RP1L1: variants seen among roughly 807,000 people sequenced by gnomAD.
The protein encoded by RP1L1 is RP1 like 1.
Under a neutral mutation model 15.7 loss-of-function variants are expected in RP1L1, and 27 were observed. That is an observed-to-expected ratio of 1.72 (90% CI 1.27 to 2.38). RP1L1 has a LOEUF of 2.38. RP1L1 is among the 30% of genes most tolerant of loss of function. The probability of loss-of-function intolerance (pLI) is 0.00; values close to 1 mark genes in which losing one functional copy is unlikely to be tolerated. For synonymous variants in RP1L1, 1,813 were observed against 1,276.7 expected, an observed-to-expected ratio of 1.42 and a Z score of -8.96; for missense variants, 4,798 against 3,075.9, an observed-to-expected ratio of 1.56 and a Z score of -13.24.
chr8:10,618,446 G>A (rs914159786), intron 2 of RP1L1, among the ~76,000 whole-genome samples: 7 of 152,218 alleles, frequency 4.6e-5, no homozygotes, highest in Non-Finnish European at 7.3e-5. Context: ...AGCGGAGGAT[G>A]CAGTGAGCTA....
At chr8:10,619,191 G>A (rs903629181) in intron 2 of RP1L1, among the ~76,000 whole-genome samples, 2 of 152,220 alleles carry the variant, frequency 1.3e-5, no homozygotes, top group African/African-American at 4.8e-5. Context: ...AGTTTAGAAA[G>A]CTGCCAGCCC....
In RP1L1 at chr8:10,611,806, C is replaced by T. The variant is rs758394001; in HGVS notation, c.2292G>A (p.Gly764=). The T allele has an allele frequency of 2.5e-6, 4 of 1,613,652 alleles. No individual in the cohort carries two copies. In the Admixed American group the frequency reaches 6.7e-5, roughly 27 times the overall value. ...PHNAPSAGWA[G]DAGSRTCSPA... is the part of the protein sequence containing the mutation. Reference sequence around the variant, plus strand: ...GCGAGCATGTCCTGGACCCCGCGTCCCCTGCCCACCCGGCAGAGGGAGCGT... The same window carrying T: ...GCGAGCATGTCCTGGACCCCGCGTCTCCTGCCCACCCGGCAGAGGGAGCGT... Residue 764 remains glycine, a synonymous_variant, in exon 4 of 4, where the codon GGG becomes GGA. Transcript: ENST00000382483.
chr8:10,613,490 G>A lies in RP1L1; in HGVS notation c.752-144C>T, dbSNP rs531186228. 665 of 1,249,582 alleles carry A rather than the reference G, an allele frequency of 5.3e-4. 4 individuals are homozygous for A. The highest frequency in any genetic ancestry group is 2.1e-3 in the South Asian group (156 of 75,202). The allele number at this position is 1,249,582 out of a possible 1,614,324, so 77.4% of individuals were successfully genotyped here. ...CCAAAATGCACGGTGACAGCTGTGC[G>A]CGGTGGCTCAGGCCTGTAATCCAAG... On this transcript the variant is annotated intron_variant, in intron 3 of 3. Transcript: ENST00000382483.
At chr8:10,613,437 T>A in intron 3 of RP1L1, 91 bp from the exon 4 acceptor site, 1 of 1,525,960 alleles carries the variant, frequency 6.6e-7, no homozygotes, top group South Asian at 1.2e-5. Context: ...GTCACGAGCC[T>A]CCCACGACCT....
intron 1 of RP1L1, among the ~76,000 whole-genome samples, chr8:10,633,491 C>A (rs1798283342): frequency 6.6e-6 from 1 of 152,224 alleles, no homozygotes; most frequent in Non-Finnish European, 1.5e-5. Context: ...GGACACCACT[C>A]CCATCCGTGC....
rs767848083 is a variant in RP1L1, at chr8:10,609,847, A to G, written c.4251T>C (p.Asp1417=). 11 of 1,613,992 alleles carry G rather than the reference A, an allele frequency of 6.8e-6. No individual in the cohort carries two copies. Among genetic ancestry groups the G allele is most frequent in the African/African-American group, 1.3e-5 (1 of 74,990 alleles). The change falls in exon 4 of 4, where the codon GAT becomes GAC. Residue 1417 remains aspartate (D), a synonymous_variant. Transcript: ENST00000382483. ...GGTCATCTTCCTGGGAGCCTTTCCCATCCGGAGAGCTGGCCTCTGACAATT... is the reference window on the plus strand; with the variant it reads ...GGTCATCTTCCTGGGAGCCTTTCCCGTCCGGAGAGCTGGCCTCTGACAATT... ...GQELSEASSP[D]GKGSQEDDPV... is the part of the protein sequence containing the mutation.
intron 2 of RP1L1, 37 bp downstream of exon 2, chr8:10,622,555 GA>G (rs1798077351): frequency 1.2e-6 from 2 of 1,613,742 alleles, no homozygotes; most frequent in Non-Finnish European, 1.7e-6. Context: ...CAGGTCTAAA[GA>G]ACCTTTTCAA....
intron 1 of RP1L1, among the ~76,000 whole-genome samples, chr8:10,638,095 T>C (rs1267645055): frequency 6.6e-6 from 1 of 152,252 alleles, no homozygotes; most frequent in African/African-American, 2.4e-5. Context: ...TGGGAACAAC[T>C]GGGAAATACC....
At chr8:10,647,673 C>T (rs1368311592) in intron 1 of RP1L1, among the ~76,000 whole-genome samples, 1 of 152,214 alleles carries the variant, frequency 6.6e-6, no homozygotes, top group African/African-American at 2.4e-5. Context: ...CAGCATTTCC[C>T]TCCTTTTTAG....
chr8:10,631,644 CCCCT>C (rs1335239114), intron 1 of RP1L1, among the ~76,000 whole-genome samples: 5 of 152,228 alleles, frequency 3.3e-5, no homozygotes, highest in Non-Finnish European at 5.9e-5. Context: ...GTCCCTGTCC[CCCCT>C]CCTCCACTTC....
chr8:10,621,856 C>T (rs879214280), intron 2 of RP1L1: 4 of 447,386 alleles, frequency 8.9e-6, no homozygotes, highest in Middle Eastern at 3.4e-4. Flanking sequence ...GCTTCCTGCA[C>T]ATGCTGGGAG....
At position 10,608,094 on chromosome 8, in the gene RP1L1, C is replaced by A. The variant is rs762096560; in HGVS notation, c.6004G>T (p.Ala2002Ser). 6.2e-7 allele frequency: 1 copy of A among 1,612,490 alleles called. No individual in the cohort carries two copies. The highest frequency in any genetic ancestry group is 1.1e-5 in the South Asian group (1 of 90,922). ...EAQPESEDVE[A>S]PEAEGEMQEA... ...TGCATCTCCCCTTCAGCCTCTGGGG[C>A]CTCTACATCTTCTGACTCTGGCTGG... The change falls in exon 4 of 4, where the codon GCC (alanine) becomes TCC (serine). Residue 2002 changes from alanine (A) to serine (S), a missense_variant. Physicochemically the swap from Ala to Ser is moderately conservative, Grantham distance 99. Coordinates refer to ENST00000382483, the MANE Select transcript of RP1L1 (RefSeq NM_178857.6).
Position 10,608,725 on chromosome 8 carries a change from C to T in RP1L1, c.5373G>A (p.Glu1791=). ...TTTCACTTATGCCCTCTCCCTCCTG[C>T]TCAGCTTCCCCCAACTCACTGCCCG... is the stretch of plus-strand genomic sequence containing the variant. The part of the protein sequence containing the change: ...TSAGSELGEA[E]QEGEGISERG... Residue 1791 remains glutamate (E), a synonymous_variant, in exon 4 of 4, where the codon GAG becomes GAA. Coordinates refer to ENST00000382483, the MANE Select transcript of RP1L1 (RefSeq NM_178857.6). 1.2e-6 allele frequency: 2 copies of T among 1,614,240 alleles called. No homozygotes were observed. The highest frequency in any genetic ancestry group is 1.7e-6 in the Non-Finnish European group (2 of 1,180,060).
At chr8:10,636,139 T>G (rs946247993) in intron 1 of RP1L1, among the ~76,000 whole-genome samples, 27 of 152,240 alleles carry the variant, frequency 1.8e-4, no homozygotes, top group Admixed American at 5.2e-4. Context: ...AAATGACTTA[T>G]TTGCAACGCA....
At chr8:10,620,933 G>A (rs11778788) in intron 2 of RP1L1, among the ~76,000 whole-genome samples, 1 of 152,198 alleles carries the variant, frequency 6.6e-6, no homozygotes, top group Non-Finnish European at 1.5e-5. Context: ...GAGTACATAA[G>A]CATAATCAGC....
rs1356169836 is a variant in RP1L1 at position 10,609,411 on chromosome 8, C to T, written c.4687G>A (p.Asp1563Asn). 1 of 1,612,392 alleles carries T rather than the reference C, an allele frequency of 6.2e-7. No homozygotes were observed. Among genetic ancestry groups the T allele is most frequent in the East Asian group, 2.2e-5 (1 of 44,876 alleles). The change falls in exon 4 of 4, where the codon GAC becomes AAC. Residue 1563 changes from aspartate (D) to asparagine (N), a missense_variant. Transcript: ENST00000382483. ...LDQMAAELQQ[D>N]VAQRLQDSTK... ...CTGTCCTGGAGGCGTTGGGCCACGT[C>T]CTGCTGCAGCTCGGCCGCCATCTGG...
At chr8:10,647,400 C>A (rs1340224976) in intron 1 of RP1L1, among the ~76,000 whole-genome samples, 3 of 152,168 alleles carry the variant, frequency 2.0e-5, no homozygotes, top group African/African-American at 7.2e-5. Flanking sequence ...TGGCATCAAG[C>A]ACATTTCTTG....
rs746288825 is a variant in RP1L1 at position 10,608,682 on chromosome 8, G to T, written c.5416C>A (p.Gln1806Lys). 2.8e-5 allele frequency: 45 copies of T among 1,614,158 alleles called. No homozygotes were observed. The Middle Eastern group carries it at 4.9e-4, about 18-fold the overall frequency. ...GISERGETGG[Q>K]GSGHEDNLQG... ...AAGTTGTCCTCATGCCCAGAGCCTT[G>T]ACCCCCAGTTTCTCCCCTTTCACTT... The change falls in exon 4 of 4, where the codon CAA becomes AAA. Residue 1806 changes from glutamine to lysine, a missense_variant. Gln to Lys is a moderately conservative substitution (Grantham distance 53, BLOSUM62 1). Coordinates refer to ENST00000382483, the MANE Select transcript of RP1L1 (RefSeq NM_178857.6).
Position 10,611,846 on chromosome 8 carries a change from C to A in RP1L1, c.2252G>T (p.Gly751Val). The change falls in exon 4 of 4, where the codon GGA becomes GTA. Residue 751 changes from glycine (G) to valine (V), a missense_variant. Gly to Val is a moderately radical substitution (Grantham distance 109, BLOSUM62 -3). Transcript: ENST00000382483. ...TPAVHSDFVSGVSPHNAPSAG... is the reference protein window; with the variant it reads ...TPAVHSDFVSVVSPHNAPSAG... ...AGAGGGAGCGTTGTGCGGGGAGACT[C>A]CAGAAACAAAATCCGAGTGGACTGC... 3 of 1,613,684 alleles carry A rather than the reference C, an allele frequency of 1.9e-6. No individual in the cohort carries two copies. The highest frequency in any genetic ancestry group is 2.2e-5 in the East Asian group (1 of 44,888).
Sources: gnomAD v4.1 joint callset for allele counts (sites outside exome capture counted in the v4.1 genomes callset) on GRCh38, gnomAD v4.1.1 for gene constraint, MANE v1.5 for transcripts, NCBI Gene and HGNC (gene_info 2026-07-23, HGNC 2026-07-21) for gene names.